The following METTL15 variants were observed in gnomAD, a reference collection of about 807,000 sequenced individuals.
METTL15 encodes methyltransferase 15, mitochondrial 12S rRNA N4-cytidine, also known as 12S rRNA N(4)-cytidine methyltransferase METTL15.
A neutral mutation model predicts 38.3 loss-of-function variants in METTL15; 34 were observed. The observed-to-expected ratio is 0.89, with a 90% CI of 0.68 to 1.18. The LOEUF (loss-of-function observed/expected upper bound fraction) is 1.18, where lower values mean the gene tolerates loss of function less well. Ranked by LOEUF, METTL15 falls within the 50% of genes most tolerant of loss-of-function variation. METTL15 has a pLI of 0.00. For synonymous variants in METTL15, 162 were observed against 170.9 expected, an observed-to-expected ratio of 0.95 and a Z score of 0.41; for missense variants, 438 against 498.4, an observed-to-expected ratio of 0.88 and a Z score of 1.15.
intron 4 of METTL15, among the ~76,000 whole-genome samples, chr11:28,282,181 CA>C (rs1856080782): frequency 6.6e-6 from 1 of 152,160 alleles, no homozygotes; most frequent in Non-Finnish European, 1.5e-5. Flanking sequence ...CCCAGATTAT[CA>C]TGTATTCACC....
intron 5 of METTL15, among the ~76,000 whole-genome samples, chr11:28,409,228 A>G (rs1358561590): frequency 6.6e-6 from 1 of 151,772 alleles, no homozygotes; most frequent in African/African-American, 2.4e-5. Context: ...TAAAAATACA[A>G]AAAATTAGCC....
At chr11:28,238,485 C>T (rs910122741) in intron 4 of METTL15, among the ~76,000 whole-genome samples, 1 of 152,150 alleles carries the variant, frequency 6.6e-6, no homozygotes, top group Admixed American at 6.5e-5. Flanking sequence ...GTGGGAATGC[C>T]CCGATTTTCC....
intron 3 of METTL15, among the ~76,000 whole-genome samples, chr11:28,117,042 T>A (rs543397171): frequency 1.3e-5 from 2 of 152,208 alleles, no homozygotes; most frequent in East Asian, 3.9e-4. Flanking sequence ...AATATTAAAT[T>A]GGATAAAACT....
intron 3 of METTL15, among the ~76,000 whole-genome samples, chr11:28,166,280 A>C (rs1312379757): frequency 6.6e-6 from 1 of 152,200 alleles, no homozygotes; most frequent in Non-Finnish European, 1.5e-5. Flanking sequence ...CTCCTTGTGC[A>C]AACACTAATC....
At chr11:28,307,631 G>T (rs1000862488) in intron 6 of METTL15, among the ~76,000 whole-genome samples, 3 of 151,884 alleles carry the variant, frequency 2.0e-5, no homozygotes, top group Non-Finnish European at 4.4e-5. Context: ...AAAATACAGG[G>T]TCAGTCTTCT....
At chr11:28,132,790 A>T (rs1406901442) in intron 3 of METTL15, among the ~76,000 whole-genome samples, 1 of 152,158 alleles carries the variant, frequency 6.6e-6, no homozygotes, top group Non-Finnish European at 1.5e-5. Context: ...AAAGTTTGTG[A>T]ACACTGAATT....
intron 4 of METTL15, among the ~76,000 whole-genome samples, chr11:28,244,673 T>C (rs1243682227): frequency 6.6e-6 from 1 of 152,184 alleles, no homozygotes; most frequent in Non-Finnish European, 1.5e-5. Flanking sequence ...GGAAAAGTAT[T>C]AGCAAGTGTC....
At chr11:28,157,350 CT>C (rs1294673033) in intron 3 of METTL15, among the ~76,000 whole-genome samples, 1 of 152,190 alleles carries the variant, frequency 6.6e-6, no homozygotes, top group African/African-American at 2.4e-5. Flanking sequence ...GCTGTGCATG[CT>C]GCTCTGCCAC....
At chr11:28,299,127 A>G (rs986688251) in intron 6 of METTL15, among the ~76,000 whole-genome samples, 1 of 152,166 alleles carries the variant, frequency 6.6e-6, no homozygotes, top group Admixed American at 6.5e-5. Context: ...GCAGATAACT[A>G]TAGAACCTAT....
chr11:28,238,922 G>A (rs1247178905), intron 4 of METTL15, among the ~76,000 whole-genome samples: 3 of 152,156 alleles, frequency 2.0e-5, no homozygotes, highest in Non-Finnish European at 4.4e-5. Flanking sequence ...GTGTGTCATA[G>A]TTGACTATTT....
chr11:28,154,693 C>G (rs1320604077), intron 3 of METTL15, among the ~76,000 whole-genome samples: 1 of 152,060 alleles, frequency 6.6e-6, no homozygotes, highest in Non-Finnish European at 1.5e-5. Flanking sequence ...ATAATAAGAA[C>G]TCTCTCATAC....
chr11:28,448,820 A>G (rs1008390246), intron 6 of METTL15, among the ~76,000 whole-genome samples: 58 of 151,724 alleles, frequency 3.8e-4, no homozygotes, highest in African/African-American at 1.3e-3. Flanking sequence ...CAGTTAATAG[A>G]TGGCAAAAGC....
intron 3 of METTL15, among the ~76,000 whole-genome samples, chr11:28,127,566 T>A (rs1282581080): frequency 2.0e-5 from 3 of 152,158 alleles, no homozygotes; most frequent in African/African-American, 2.4e-5. Flanking sequence ...AACTTTTTCC[T>A]TGCTATTGTT....
chr11:28,173,641 A>T (rs981815583), intron 3 of METTL15, among the ~76,000 whole-genome samples: 1 of 152,228 alleles, frequency 6.6e-6, no homozygotes, highest in Admixed American at 6.5e-5. Context: ...CACAATCATT[A>T]ACTAAAGTCT....
intron 5 of METTL15, among the ~76,000 whole-genome samples, chr11:28,368,536 G>A (rs982491692): frequency 5.3e-5 from 8 of 152,020 alleles, no homozygotes; most frequent in African/African-American, 1.2e-4. Context: ...AAATAGGAAC[G>A]CTTTTACACT....
chr11:28,521,854 C>T (rs1390035164), intron 6 of METTL15, among the ~76,000 whole-genome samples: 2 of 152,146 alleles, frequency 1.3e-5, no homozygotes, highest in Non-Finnish European at 2.9e-5. Context: ...TTTGCCTCTT[C>T]AGTCCTGGAG....
chr11:28,531,580 T>G (rs1449759472), downstream of METTL15, among the ~76,000 whole-genome samples: 1 of 152,058 alleles, frequency 6.6e-6, no homozygotes, highest in Non-Finnish European at 1.5e-5. Flanking sequence ...CTGTTTCCTT[T>G]TCTGAAAATA....
At chr11:28,396,252 G>T (rs1306275568) in intron 5 of METTL15, among the ~76,000 whole-genome samples, 1 of 152,100 alleles carries the variant, frequency 6.6e-6, no homozygotes, top group Non-Finnish European at 1.5e-5. Flanking sequence ...AGGGCAATCA[G>T]GCAGGAGAAA....
chr11:28,222,495 ACTTCTGGGGTGAGGCGATGC>A (rs1435764711), intron 4 of METTL15, among the ~76,000 whole-genome samples: 1 of 152,118 alleles, frequency 6.6e-6, no homozygotes, highest in African/African-American at 2.4e-5. Flanking sequence ...GACCCCTTGC[ACTTCTGGGGTGAGGCGATGC>A]CTCGCCCTGC....
Sources: allele counts gnomAD v4.1 joint callset (sites outside exome capture counted in the v4.1 genomes callset), GRCh38; gene constraint gnomAD v4.1.1; transcripts MANE v1.5; gene names NCBI Gene and HGNC (gene_info 2026-07-23, HGNC 2026-07-21).